The following SMTN variants were observed in gnomAD, a reference collection of about 807,000 sequenced individuals.
The protein encoded by SMTN is smoothelin.
SMTN carries 58 observed loss-of-function variants against 102.0 expected under a neutral mutation model. The observed-to-expected ratio is 0.57, with a 90% CI of 0.46 to 0.71. The LOEUF (loss-of-function observed/expected upper bound fraction) is 0.71. SMTN is among the 30% of genes least tolerant of loss of function. SMTN has a pLI of 0.00. For missense variants in SMTN, 1,185 were observed against 1,241.7 expected, an observed-to-expected ratio of 0.95 and a Z score of 0.69; for synonymous variants, 478 against 497.9, an observed-to-expected ratio of 0.96 and a Z score of 0.53.
In SMTN at chr22:31,099,442, C is replaced by T. The variant is rs2043897447; in HGVS notation, c.2451+263C>T. On this transcript the variant is annotated intron_variant, in intron 18 of 20. Coordinates refer to ENST00000333137, the MANE Select transcript of SMTN (RefSeq NM_134269.3). ...CCGGATCCCACTCTTGGAGTCCCCT[C>T]CTTGTTGCTCTGTAGGAGGCCCTGA... 4 of 587,032 alleles carry T rather than the reference C, an allele frequency of 6.8e-6. No individual in the cohort carries two copies. The Admixed American group carries it at 1.2e-4, about 18-fold the overall frequency. The allele number at this position is 587,032 out of a possible 1,614,324, so 36.4% of individuals were successfully genotyped here.
chr22:31,076,360 C>T (rs1044243876), upstream of SMTN, among the ~76,000 whole-genome samples: 1 of 152,218 alleles, frequency 6.6e-6, no homozygotes, highest in Non-Finnish European at 1.5e-5. Context: ...GTCTACAGGT[C>T]TTCATGCCTC....
In SMTN at chr22:31,088,035, A is replaced by G. The variant is rs778931091; in HGVS notation, c.122A>G (p.Glu41Gly). The change falls in exon 3 of 21, where the codon GAG (glutamate) becomes GGG (glycine). Residue 41 changes from glutamate (E) to glycine (G), a missense_variant. Physicochemically the swap from Glu to Gly is moderately conservative, Grantham distance 98. This residue lies in a region of SMTN where 1,096 missense variants were observed against 1,112.7 expected (regional missense o/e 0.98). Coordinates refer to ENST00000333137, the MANE Select transcript of SMTN (RefSeq NM_134269.3). ...GCCATCCGGGAACTGCAGCGGCAGGAGCTGGAGCGCGAGGAGGAGGCCCTG... is the reference window on the plus strand; with the variant it reads ...GCCATCCGGGAACTGCAGCGGCAGGGGCTGGAGCGCGAGGAGGAGGCCCTG... ...RSAIRELQRQ[E>G]LEREEEALAS... 6.2e-7 allele frequency: 1 copy of G among 1,612,300 alleles called. No homozygotes were observed. The highest frequency in any genetic ancestry group is 8.5e-7 in the Non-Finnish European group (1 of 1,179,074).
At chr22:31,075,909 A>T (rs2042116445) in intron 1 of SMTN, among the ~76,000 whole-genome samples, 1 of 152,150 alleles carries the variant, frequency 6.6e-6, no homozygotes, top group Non-Finnish European at 1.5e-5. Flanking sequence ...AAAGTTCTGA[A>T]CCCTGTTGGA....
At chr22:31,102,063 G>A (rs1311334958) in intron 20 of SMTN, 1 of 152,096 alleles carries the variant, frequency 6.6e-6, no homozygotes, top group African/African-American at 2.4e-5. Flanking sequence ...CTCCAAAGTG[G>A]GGAGCTCAGG....
chr22:31,095,411 G>C lies in SMTN; in HGVS notation c.1741G>C (p.Glu581Gln). The C allele has an allele frequency of 1.2e-6, 2 of 1,614,264 alleles. No individual in the cohort carries two copies. Among genetic ancestry groups the C allele is most frequent in the East Asian group, 2.2e-5 (1 of 44,892 alleles). ...APEGRSPLSA[E>Q]ELMTIEDEGV... ...AGAAGGGCGGAGCCCTCTGAGCGCTGAGGAGCTGATGACTATTGAGGATGA... is the reference window on the plus strand; with the variant it reads ...AGAAGGGCGGAGCCCTCTGAGCGCTCAGGAGCTGATGACTATTGAGGATGA... The change falls in exon 12 of 21, where the codon GAG becomes CAG. Residue 581 changes from glutamate (E) to glutamine (Q), a missense_variant. Coordinates refer to ENST00000333137, the MANE Select transcript of SMTN (RefSeq NM_134269.3). The surrounding 1 kb of genome is among the most constrained non-coding windows in gnomAD (Gnocchi z 4.1).
At position 31,099,067 on chromosome 22, in the gene SMTN, C is replaced by G. The variant is rs1197076157; in HGVS notation, c.2339C>G (p.Pro780Arg). The G allele has an allele frequency of 6.2e-7, 1 of 1,611,540 alleles. No individual in the cohort carries two copies. Among genetic ancestry groups the G allele is most frequent in the Non-Finnish European group, 8.5e-7 (1 of 1,179,860 alleles). The change falls in exon 18 of 21, where the codon CCT (proline) becomes CGT (arginine). Residue 780 changes from proline to arginine, a missense_variant. By Grantham distance (103) the Pro-to-Arg change is moderately radical (BLOSUM62 -2). Around this residue, in one of 2 missense-constraint regions of SMTN, gnomAD observed 1,096 missense variants for 1,112.7 expected, o/e 0.98. Coordinates refer to ENST00000333137, the MANE Select transcript of SMTN (RefSeq NM_134269.3). ...TCCTGACACCGCCCCTACAGCAGCC[C>G]TGGCGGACCCCGCGCAGCCGTGCAG... ...KLEKEGAAGS[P>R]GGPRAAVQRS...
rs373962409 is a variant in SMTN, at chr22:31,091,330, G to T, written c.1307G>T (p.Arg436Leu). The change falls in exon 10 of 21, where the codon CGT becomes CTT. Residue 436 changes from arginine (R) to leucine (L), a missense_variant. Coordinates refer to ENST00000333137, the MANE Select transcript of SMTN (RefSeq NM_134269.3). ...LENRAGGPVA[R>L]SEEPGAPLPV... is the part of the protein sequence containing the mutation. ...AACAGAGCAGGGGGGCCTGTGGCACGTTCAGAGGAGCCTGGTGCCCCGCTG... is the reference window on the plus strand; with the variant it reads ...AACAGAGCAGGGGGGCCTGTGGCACTTTCAGAGGAGCCTGGTGCCCCGCTG... 12 of 1,606,354 alleles carry T rather than the reference G, an allele frequency of 7.5e-6. No individual in the cohort carries two copies. Among genetic ancestry groups the T allele is most frequent in the Non-Finnish European group, 1.0e-5 (12 of 1,178,172 alleles).
At chr22:31,091,565 A>G (rs117094650) in intron 10 of SMTN, 83 bp downstream of exon 10, 61,580 of 1,509,178 alleles carry the variant, frequency 0.041, 1,463 homozygotes, top group Middle Eastern at 0.094. Context: ...TGCGGCCAGG[A>G]CTCAGGGTGT....
intron 11 of SMTN, chr22:31,093,413 C>T (rs2043288621): frequency 2.2e-6 from 1 of 454,160 alleles, no homozygotes; most frequent in East Asian, 4.9e-5. Context: ...TGCCACTGCC[C>T]CACCATTACC....
chr22:31,091,104 C>T lies in SMTN; in HGVS notation c.1081C>T (p.Pro361Ser), dbSNP rs1294475296. The T allele has an allele frequency of 1.9e-6, 3 of 1,613,894 alleles. No individual in the cohort carries two copies. Among genetic ancestry groups the T allele is most frequent in the Non-Finnish European group, 8.5e-7 (1 of 1,179,962 alleles). The part of the protein sequence containing the change: ...TPQAALSPLT[P>S]ARLLGPSLTS... ...CCAGGCTGCCCTAAGTCCCCTGACC[C>T]CCGCAAGGCTCCTGGGCCCCTCCCT... Residue 361 changes from proline (P) to serine (S), a missense_variant, in exon 10 of 21, where the codon CCC becomes TCC. By Grantham distance (74) the Pro-to-Ser change is moderately conservative (BLOSUM62 -1). Around this residue, in one of 2 missense-constraint regions of SMTN, gnomAD observed 1,096 missense variants for 1,112.7 expected, o/e 0.98. Transcript: ENST00000333137.
In SMTN at chr22:31,089,730, C is replaced by G; in HGVS notation, c.503C>G (p.Ala168Gly). Residue 168 changes from alanine (A) to glycine (G), a missense_variant, in exon 7 of 21, where the codon GCA (alanine) becomes GGA (glycine). Coordinates refer to ENST00000333137, the MANE Select transcript of SMTN (RefSeq NM_134269.3). Reference protein sequence around the residue: ...VPEREEQEQQAEVSKPTPTPE... With the variant: ...VPEREEQEQQGEVSKPTPTPE... ...GAGCGAGAGGAACAGGAACAGCAGGCAGAGGTTTCAAAGCCAACCCCCACC... is the reference window on the plus strand; with the variant it reads ...GAGCGAGAGGAACAGGAACAGCAGGGAGAGGTTTCAAAGCCAACCCCCACC... 3.1e-6 allele frequency: 5 copies of G among 1,606,220 alleles called. No individual in the cohort carries two copies. Among genetic ancestry groups the G allele is most frequent in the Non-Finnish European group, 4.2e-6 (5 of 1,179,308 alleles).
intron 19 of SMTN, among the ~76,000 whole-genome samples, chr22:31,100,503 G>A (rs1231671172): frequency 1.3e-4 from 17 of 132,910 alleles, no homozygotes; most frequent in Non-Finnish European, 2.0e-4. Flanking sequence ...CTCCTCTCAC[G>A]CCTCCCTCAC....
At position 31,095,608 on chromosome 22, in the gene SMTN, A is replaced by C; in HGVS notation, c.1860A>C (p.Arg620Ser). 1 of 1,612,076 alleles carries C rather than the reference A, an allele frequency of 6.2e-7. No homozygotes were observed. The highest frequency in any genetic ancestry group is 8.5e-7 in the Non-Finnish European group (1 of 1,179,172). ...TTCGTGAGCTCCGACAAAGGAAGAG[A>C]GGTAGAGAGCCAGTTGCCCTACCCT... is the stretch of plus-strand genomic sequence containing the variant. ...AALRELRQRK[R>S]DQRDKERERR... Residue 620 changes from arginine to serine, a missense_variant and splice_region_variant, in exon 13 of 21, where the codon AGA (arginine) becomes AGC (serine). Arg to Ser is a moderately radical substitution (Grantham distance 110). This residue lies in a region of SMTN where 1,096 missense variants were observed against 1,112.7 expected (regional missense o/e 0.98). Coordinates refer to ENST00000333137, the MANE Select transcript of SMTN (RefSeq NM_134269.3). This position sits in a 1 kb window ranked among gnomAD's most constrained non-coding sequence, Gnocchi z 4.1.
chr22:31,071,968 T>A (rs1344196414), intron 1 of SMTN, among the ~76,000 whole-genome samples: 1 of 152,076 alleles, frequency 6.6e-6, no homozygotes, highest in Non-Finnish European at 1.5e-5. Flanking sequence ...AGTGCTGGGA[T>A]TACAGGCATA....
intron 18 of SMTN, chr22:31,099,462 C>T: frequency 1.7e-6 from 1 of 584,820 alleles, no homozygotes. Context: ...CTGTAGGAGG[C>T]CCTGAGTCAA....
In SMTN at chr22:31,096,760, G is replaced by A. The variant is rs568534957; in HGVS notation, c.1889G>A (p.Arg630Gln). ...CAGCGGGACAAGGAGCGGGAACGGCGGCTGCAGGAGGCACGGGGCCGGCCA... is the reference window on the plus strand; with the variant it reads ...CAGCGGGACAAGGAGCGGGAACGGCAGCTGCAGGAGGCACGGGGCCGGCCA... ...RDQRDKERER[R>Q]LQEARGRPGE... Residue 630 changes from arginine to glutamine, a missense_variant, in exon 14 of 21, where the codon CGG (arginine) becomes CAG (glutamine). Arg to Gln is a conservative substitution (Grantham distance 43). Transcript: ENST00000333137. The A allele has an allele frequency of 2.4e-5, 38 of 1,554,440 alleles. No individual in the cohort carries two copies. The highest frequency in any genetic ancestry group is 2.3e-4 in the Admixed American group (12 of 53,056).
At chr22:31,096,476 T>C (rs2043585783) in intron 13 of SMTN, 2 of 419,192 alleles carry the variant, frequency 4.8e-6, no homozygotes, top group Non-Finnish European at 8.4e-6. Flanking sequence ...TTTGGATCCA[T>C]ACCCCTTTGA....
At chr22:31,077,925 A>G (rs887480311), upstream of SMTN, among the ~76,000 whole-genome samples, 2 of 152,164 alleles carry the variant, frequency 1.3e-5, no homozygotes, top group African/African-American at 4.8e-5. Flanking sequence ...TTCTGCACAT[A>G]AGGAGGAAGG....
intron 20 of SMTN, chr22:31,104,034 C>T: frequency 2.2e-6 from 1 of 457,108 alleles, no homozygotes; most frequent in South Asian, 3.5e-5. Flanking sequence ...AGCACCTCCC[C>T]AGGGTTGGAG....
Sources: allele counts gnomAD v4.1 joint callset (sites outside exome capture counted in the v4.1 genomes callset), GRCh38; gene constraint gnomAD v4.1.1; regional missense constraint gnomAD v4.1.1; non-coding constraint Gnocchi (gnomAD v3.1); transcripts MANE v1.5; gene names NCBI Gene and HGNC (gene_info 2026-07-23, HGNC 2026-07-21).